Variants in ZBTB7C observed in about 807,000 individuals in gnomAD.
ZBTB7C encodes zinc finger and BTB domain-containing protein 7C.
In ZBTB7C, 8 loss-of-function variants were observed where a neutral mutation model predicts 25.7. The observed-to-expected ratio is 0.31, with a 90% CI of 0.18 to 0.56. ZBTB7C has a LOEUF of 0.56. Ranked by LOEUF, ZBTB7C falls within the 20% of genes least tolerant of loss-of-function variation. The pLI, the probability that ZBTB7C is intolerant of heterozygous loss-of-function variation, is 0.91. For synonymous variants in ZBTB7C, 394 were observed against 369.0 expected (o/e 1.07, Z -0.78); for missense variants, 824 against 855.2 (o/e 0.96, Z 0.46).
rs973934580 is a variant in ZBTB7C, at chr18:48,246,448, A to AAATAAT, written c.-78-60459_-78-60454dup. On this transcript the variant is annotated intron_variant, in intron 2 of 4. Coordinates refer to ENST00000590800, the MANE Select transcript of ZBTB7C (RefSeq NM_001318841.2). ...CTGTCTCAAAAAAAAATAAATAATA[A>AAATAAT]AATAATAATAATAATAATAAAGCTT... Among the ~76,000 whole-genome samples the AAATAAT allele has an allele frequency of 4.6e-5, 7 of 151,052 alleles. No individual in the cohort carries two copies. The East Asian group carries it at 9.7e-4, about 21-fold the overall frequency.
intron 2 of ZBTB7C, among the ~76,000 whole-genome samples, chr18:48,272,355 C>T (rs1444382464): frequency 6.6e-6 from 1 of 152,184 alleles, no homozygotes; most frequent in Non-Finnish European, 1.5e-5. Context: ...GTTCTTTGGC[C>T]TTTGGCCTCT....
chr18:48,106,431 A>G (rs953272635), intron 3 of ZBTB7C, among the ~76,000 whole-genome samples: 3 of 149,186 alleles, frequency 2.0e-5, no homozygotes, highest in African/African-American at 5.1e-5. Flanking sequence ...AGCAAAACAA[A>G]GGACCCAAAC....
At chr18:48,389,679 C>T (rs1160864965) in intron 1 of ZBTB7C, among the ~76,000 whole-genome samples, 1 of 151,996 alleles carries the variant, frequency 6.6e-6, no homozygotes, top group Admixed American at 6.5e-5. Flanking sequence ...AAGACCCCAG[C>T]TGAAACCACA....
intron 1 of ZBTB7C, among the ~76,000 whole-genome samples, chr18:48,365,423 T>C (rs2047200001): frequency 6.6e-6 from 1 of 152,252 alleles, no homozygotes; most frequent in Non-Finnish European, 1.5e-5. Context: ...GATGTCACTC[T>C]GTGATTATGT....
At chr18:48,346,863 C>T (rs925093289) in intron 1 of ZBTB7C, among the ~76,000 whole-genome samples, 3 of 151,940 alleles carry the variant, frequency 2.0e-5, no homozygotes, top group African/African-American at 7.3e-5. Flanking sequence ...TGGGTCACTG[C>T]AACCTCTGCC....
chr18:48,117,414 A>G (rs1231681000), intron 3 of ZBTB7C, among the ~76,000 whole-genome samples: 1 of 152,208 alleles, frequency 6.6e-6, no homozygotes, highest in Non-Finnish European at 1.5e-5. Flanking sequence ...AGTTCCTGCC[A>G]TACTGAGAGG....
intron 1 of ZBTB7C, among the ~76,000 whole-genome samples, chr18:48,406,750 T>A (rs962543014): frequency 6.6e-6 from 1 of 152,180 alleles, no homozygotes; most frequent in African/African-American, 2.4e-5. Context: ...CAAAATATTC[T>A]CTCTTGCAAG....
chr18:48,052,147 C>A (rs934880870), intron 3 of ZBTB7C, among the ~76,000 whole-genome samples: 7 of 152,218 alleles, frequency 4.6e-5, no homozygotes, highest in Non-Finnish European at 1.5e-5. Context: ...GAGTTTCATA[C>A]TCCCAATGGC....
At chr18:48,122,967 C>T (rs1434926067) in intron 3 of ZBTB7C, among the ~76,000 whole-genome samples, 1 of 152,202 alleles carries the variant, frequency 6.6e-6, no homozygotes, top group Non-Finnish European at 1.5e-5. Context: ...ACTCTGACTC[C>T]TTGCAGGAGG....
intron 2 of ZBTB7C, among the ~76,000 whole-genome samples, chr18:48,286,229 TGTGC>T (rs1459738769): frequency 8.2e-6 from 1 of 121,430 alleles, no homozygotes; most frequent in Non-Finnish European, 1.6e-5. Context: ...AGAGAAGAGG[TGTGC>T]GTGTGTGTGT....
intron 2 of ZBTB7C, among the ~76,000 whole-genome samples, chr18:48,207,026 T>C (rs2042591047): frequency 6.6e-6 from 1 of 151,600 alleles, no homozygotes; most frequent in South Asian, 2.1e-4. Flanking sequence ...AATTAAAAAA[T>C]AGGAAAATAT....
At chr18:48,101,028 C>T (rs560698319) in intron 3 of ZBTB7C, among the ~76,000 whole-genome samples, 1 of 152,254 alleles carries the variant, frequency 6.6e-6, no homozygotes, top group East Asian at 1.9e-4. Context: ...CACTACTGGG[C>T]ACAGTAGCCT....
chr18:48,062,521 TGAGCTGGGC>T (rs1249713128), intron 3 of ZBTB7C, among the ~76,000 whole-genome samples: 3 of 152,240 alleles, frequency 2.0e-5, no homozygotes, highest in African/African-American at 7.2e-5. Flanking sequence ...TGCCAGGTAT[TGAGCTGGGC>T]TCTTTTACAC....
upstream of ZBTB7C, chr18:48,409,519 G>T (rs1010659530): frequency 6.8e-6 from 1 of 148,004 alleles, no homozygotes; most frequent in Non-Finnish European, 1.5e-5. Flanking sequence ...CCGCCGGCTC[G>T]GGGGGCGCAC....
intron 2 of ZBTB7C, among the ~76,000 whole-genome samples, chr18:48,207,594 T>TATCC (rs2042606521): frequency 6.8e-6 from 1 of 146,812 alleles, no homozygotes; most frequent in Admixed American, 6.7e-5. Context: ...TCTATCTATC[T>TATCC]ATCTATCTAT....
chr18:48,278,258 A>G (rs1054806785), intron 2 of ZBTB7C, among the ~76,000 whole-genome samples: 4 of 152,280 alleles, frequency 2.6e-5, no homozygotes, highest in African/African-American at 9.6e-5. Context: ...GAGGCCCCAG[A>G]GAATGAGGGG....
At chr18:48,212,587 G>A (rs1418288544) in intron 2 of ZBTB7C, among the ~76,000 whole-genome samples, 1 of 152,072 alleles carries the variant, frequency 6.6e-6, no homozygotes, top group Non-Finnish European at 1.5e-5. Flanking sequence ...CATGAATGGG[G>A]GCAGGGGGTA....
intron 2 of ZBTB7C, among the ~76,000 whole-genome samples, chr18:48,319,349 T>C (rs2046033924): frequency 1.3e-5 from 2 of 152,196 alleles, no homozygotes; most frequent in African/African-American, 4.8e-5. Flanking sequence ...GCCAGCTGCT[T>C]ACCTTTTCTG....
chr18:48,332,851 T>A (rs1454187810), intron 2 of ZBTB7C, among the ~76,000 whole-genome samples: 2 of 152,032 alleles, frequency 1.3e-5, no homozygotes, highest in Non-Finnish European at 2.9e-5. Context: ...CAAGTCAGAA[T>A]CTCAAGGAGA....
Sources: gnomAD v4.1 joint callset for allele counts (sites outside exome capture counted in the v4.1 genomes callset) on GRCh38, gnomAD v4.1.1 for gene constraint, MANE v1.5 for transcripts, NCBI Gene and HGNC (gene_info 2026-07-23, HGNC 2026-07-21) for gene names.